Variants in HPS1 observed in about 807,000 individuals in gnomAD.
The protein encoded by HPS1 is BLOC-3 complex member HPS1.
HPS1 carries 59 observed loss-of-function variants against 90.6 expected under a neutral mutation model. The observed-to-expected ratio is 0.65, with a 90% CI of 0.53 to 0.81. The LOEUF is 0.81. Ranked by LOEUF, HPS1 falls within the 30% of genes least tolerant of loss-of-function variation. The pLI, the probability that HPS1 is intolerant of heterozygous loss-of-function variation, is 0.00. For missense variants in HPS1, 849 were observed against 896.7 expected, an observed-to-expected ratio of 0.95 and a Z score of 0.68; for synonymous variants, 388 against 384.4, an observed-to-expected ratio of 1.01 and a Z score of -0.11.
At chr10:98,442,967 A>G in intron 3 of HPS1, 157 bp downstream of exon 3, 1 of 732,600 alleles carries the variant, frequency 1.4e-6, no homozygotes, top group East Asian at 2.5e-5. Flanking sequence ...CCTTGAGGAT[A>G]AGGGTCTAGG....
chr10:98,418,368 G>A, intron 18 of HPS1, 111 bp from the exon 19 acceptor site: 5 of 556,042 alleles, frequency 9.0e-6, no homozygotes, highest in South Asian at 2.9e-5. Context: ...TGGGTGCTTG[G>A]GAAAATGCCT....
chr10:98,421,784 T>C (rs1844884402), intron 17 of HPS1, among the ~76,000 whole-genome samples: 1 of 152,246 alleles, frequency 6.6e-6, no homozygotes, highest in Non-Finnish European at 1.5e-5. Flanking sequence ...TAAATAGCAC[T>C]ATTATTTCCT....
chr10:98,446,152 G>A lies in HPS1; in HGVS notation c.-106+655C>T, dbSNP rs1277644964. On this transcript the variant is annotated intron_variant, in intron 1 of 19. Coordinates refer to ENST00000361490, the MANE Select transcript of HPS1 (RefSeq NM_000195.5). Reference sequence around the variant, plus strand: ...AGTCAAGCACTGTGAGCCAGTAAGAGGCAAGTGACTACCCGCCACAGAGAC... The same window carrying A: ...AGTCAAGCACTGTGAGCCAGTAAGAAGCAAGTGACTACCCGCCACAGAGAC... Among the ~76,000 whole-genome samples the A allele has an allele frequency of 2.7e-5, 4 of 150,296 alleles. No homozygotes were observed. The East Asian group carries it at 5.8e-4, about 22-fold the overall frequency.
chr10:98,414,893 G>T, downstream of HPS1: 1 of 1,438,862 alleles, frequency 6.9e-7, no homozygotes, highest in Non-Finnish European at 9.3e-7. Context: ...TTCTGGCTGG[G>T]TTATGCCAGA....
At position 98,431,119 on chromosome 10, in the gene HPS1, C is replaced by A. The variant is rs771787857; in HGVS notation, c.668+12G>T. The A allele has an allele frequency of 6.2e-7, 1 of 1,613,944 alleles. No individual in the cohort carries two copies. ...GAGCCTTTAGCCACCACATGCCAGA[C>A]CTTGAGCTCACCTAGAGTAGAATGC... On this transcript the variant is annotated intron_variant, in intron 7 of 19. Coordinates refer to ENST00000361490, the MANE Select transcript of HPS1 (RefSeq NM_000195.5).
chr10:98,443,850 T>C (rs1347515364), intron 2 of HPS1, among the ~76,000 whole-genome samples: 1 of 152,084 alleles, frequency 6.6e-6, no homozygotes. Context: ...CTGGCCAACA[T>C]GGTGAAACCC....
chr10:98,431,664 C>T (rs1469673134), intron 6 of HPS1, among the ~76,000 whole-genome samples: 1 of 151,912 alleles, frequency 6.6e-6, no homozygotes, highest in East Asian at 1.9e-4. Flanking sequence ...ACCAGATGGC[C>T]CACCAGAGAA....
At chr10:98,430,310 T>C (rs1384780163) in intron 8 of HPS1, among the ~76,000 whole-genome samples, 2 of 152,140 alleles carry the variant, frequency 1.3e-5, no homozygotes, top group African/African-American at 4.8e-5. Flanking sequence ...CGGGCTCAGC[T>C]CACACAGCCA....
In HPS1 at chr10:98,423,643, A is replaced by T; in HGVS notation, c.1558T>A (p.Phe520Ile). The part of the protein sequence containing the change: ...MREKLTDWKD[F>I]LLVKSRRNIT... ...TTCCTCCTGCTCTTCACCAGCAAGA[A>T]GTCCTTCCAGTCCGTCAGCTTCTCC... The change falls in exon 16 of 20, where the codon TTC (phenylalanine) becomes ATC (isoleucine). Residue 520 changes from phenylalanine to isoleucine, a missense_variant. Coordinates refer to ENST00000361490, the MANE Select transcript of HPS1 (RefSeq NM_000195.5). 1 of 1,613,996 alleles carries T rather than the reference A, an allele frequency of 6.2e-7. No individual in the cohort carries two copies. Among genetic ancestry groups the T allele is most frequent in the Non-Finnish European group, 8.5e-7 (1 of 1,179,946 alleles).
At chr10:98,420,377 T>C in intron 17 of HPS1, 3 of 530,204 alleles carry the variant, frequency 5.7e-6, no homozygotes, top group South Asian at 3.9e-5. Context: ...GCAAAATATA[T>C]GTAAAAAAGC....
intron 5 of HPS1, 64 bp from the exon 6 acceptor site, chr10:98,434,155 C>A: frequency 1.4e-6 from 2 of 1,474,476 alleles, no homozygotes; most frequent in Non-Finnish European, 1.8e-6. Context: ...CACACCCAAC[C>A]AAAGGACCAC....
rs1253881244 is a variant in HPS1, at chr10:98,423,886, G to A, written c.1399C>T (p.Leu467=). 1.9e-6 allele frequency: 3 copies of A among 1,613,592 alleles called. No individual in the cohort carries two copies. The highest frequency in any genetic ancestry group is 2.2e-5 in the South Asian group (2 of 91,082). Residue 467 remains leucine (L), a splice_region_variant and synonymous_variant, in exon 15 of 20, where the codon CTG becomes TTG. Transcript: ENST00000361490. The part of the protein sequence containing the change: ...SKSEPGSSWE[L]LQACGKLKRQ... ...TTCAGCTTCCCACATGCCTGGAGCA[G>A]CCTGAGCACGAGAGAGGAGGGCATT...
At position 98,417,476 on chromosome 10, in the gene HPS1, G is replaced by T; in HGVS notation, c.*88C>A. On this transcript the variant is annotated 3_prime_UTR_variant, in exon 20 of 20. Coordinates refer to ENST00000361490, the MANE Select transcript of HPS1 (RefSeq NM_000195.5). The surrounding 1 kb of genome is among the most constrained non-coding windows in gnomAD (Gnocchi z 4.2). ...CTGCCCTATCCTCAGGATGGCCACT[G>T]CAGACAGGAGGCTCTCGTCATGGGG... The T allele has an allele frequency of 1.6e-6, 2 of 1,255,090 alleles. No homozygotes were observed. Among genetic ancestry groups the T allele is most frequent in the African/African-American group, 1.5e-5 (1 of 67,900 alleles). The allele number at this position is 1,255,090 out of a possible 1,614,324, so 77.7% of individuals were successfully genotyped here. A position where few individuals can be genotyped will look rare whatever the true frequency, so the allele number is the denominator to read the frequency against.
At chr10:98,430,988 T>G in intron 7 of HPS1, 143 bp downstream of exon 7, 1 of 850,828 alleles carries the variant, frequency 1.2e-6, no homozygotes, top group Non-Finnish European at 2.0e-6. Context: ...TGAAAAAGGT[T>G]GGAGAATCAA....
At position 98,427,228 on chromosome 10, in the gene HPS1, A is replaced by AT; in HGVS notation, c.973dup (p.Met325AsnfsTer128). On this transcript the variant is annotated frameshift_variant, in exon 11 of 20. Coordinates refer to ENST00000361490, the MANE Select transcript of HPS1 (RefSeq NM_000195.5). LOFTEE classifies it high-confidence loss of function. ...GGAGAAACTCACCTGAAGGGCATCC[A>AT]TGGGGGGGGTGCCCCCCTCCAGCCA... 6.4e-7 allele frequency: 1 copy of AT among 1,551,192 alleles called. No individual in the cohort carries two copies. The highest frequency in any genetic ancestry group is 8.7e-7 in the Non-Finnish European group (1 of 1,146,602).
intron 14 of HPS1, among the ~76,000 whole-genome samples, 196 bp from the exon 15 acceptor site, chr10:98,424,083 C>T (rs924641857): frequency 1.3e-5 from 2 of 152,156 alleles, no homozygotes; most frequent in Non-Finnish European, 2.9e-5. Flanking sequence ...CCTGCTCCTG[C>T]ACCCAGGACA....
chr10:98,441,022 G>C (rs1236443641), intron 3 of HPS1, among the ~76,000 whole-genome samples: 1 of 152,170 alleles, frequency 6.6e-6, no homozygotes, highest in African/African-American at 2.4e-5. Context: ...TTTGCCTAAA[G>C]ACTGTGATGA....
At chr10:98,424,689 C>T (rs562716057) in intron 13 of HPS1, among the ~76,000 whole-genome samples, 7 of 151,772 alleles carry the variant, frequency 4.6e-5, no homozygotes, top group Admixed American at 1.3e-4. Flanking sequence ...CACAGGGCAG[C>T]GGCTGGGGTG....
At position 98,435,421 on chromosome 10, in the gene HPS1, G is replaced by A. The variant is rs1847177037; in HGVS notation, c.256-7C>T. On this transcript the variant is annotated splice_region_variant and splice_polypyrimidine_tract_variant and intron_variant, in intron 4 of 19. Coordinates refer to ENST00000361490, the MANE Select transcript of HPS1 (RefSeq NM_000195.5). This position sits in a 1 kb window ranked among gnomAD's most constrained non-coding sequence, Gnocchi z 4.3. The stretch of plus-strand genomic sequence containing the variant: ...TGAACAGGCATTCTCCAAACTGCAG[G>A]CACAGGCAGGCCAGTGTCAGCCAGC... 7 of 1,613,652 alleles carry A rather than the reference G, an allele frequency of 4.3e-6. No individual in the cohort carries two copies. Among genetic ancestry groups the A allele is most frequent in the East Asian group, 2.2e-5 (1 of 44,866 alleles).
Sources: allele counts gnomAD v4.1 joint callset (sites outside exome capture counted in the v4.1 genomes callset), GRCh38; gene constraint gnomAD v4.1.1; non-coding constraint Gnocchi (gnomAD v3.1); transcripts MANE v1.5; gene names NCBI Gene and HGNC (gene_info 2026-07-23, HGNC 2026-07-21).